Variants in TANC2 observed in about 807,000 individuals in gnomAD.
TANC2 encodes the protein tetratricopeptide repeat, ankyrin repeat and coiled-coil containing 2, also known as protein TANC2.
Under a neutral mutation model 210.5 loss-of-function variants are expected in TANC2, and 26 were observed. The observed-to-expected ratio is 0.12, with a 90% CI of 0.09 to 0.17. The LOEUF is 0.17. TANC2 is among the 10% of genes least tolerant of loss of function. The probability of loss-of-function intolerance (pLI) is 1.00; values close to 1 mark genes in which losing one functional copy is unlikely to be tolerated. For missense variants in TANC2, 2,129 were observed against 2,608.9 expected (o/e 0.82, Z 4.01); for synonymous variants, 931 against 967.1 (o/e 0.96, Z 0.69).
At chr17:63,382,575 TAAC>T (rs1291106465) in intron 15 of TANC2, among the ~76,000 whole-genome samples, 2 of 152,254 alleles carry the variant, frequency 1.3e-5, no homozygotes, top group Non-Finnish European at 2.9e-5. Flanking sequence ...CTACCAGATT[TAAC>T]AAATGTTAAC....
chr17:63,060,341 C>G (rs2035950546), intron 2 of TANC2, among the ~76,000 whole-genome samples: 2 of 152,240 alleles, frequency 1.3e-5, no homozygotes, highest in South Asian at 4.1e-4. Context: ...CTCGTTTGGG[C>G]TGGGCGTGGT....
At chr17:63,289,985 T>A (rs1047322952) in intron 9 of TANC2, among the ~76,000 whole-genome samples, 4 of 152,152 alleles carry the variant, frequency 2.6e-5, no homozygotes, top group Non-Finnish European at 5.9e-5. Context: ...TGGGAGACAG[T>A]TGGGTATTTC....
chr17:63,264,474 A>C (rs1309508318), intron 8 of TANC2, among the ~76,000 whole-genome samples: 1 of 152,160 alleles, frequency 6.6e-6, no homozygotes, highest in East Asian at 1.9e-4. Context: ...TGACCAAGCA[A>C]AATGCCAGTA....
chr17:63,289,643 T>A (rs1047991159), intron 9 of TANC2, among the ~76,000 whole-genome samples: 1 of 152,218 alleles, frequency 6.6e-6, no homozygotes, highest in African/African-American at 2.4e-5. Context: ...TTAATCATAG[T>A]TGTTTTAAAT....
At chr17:63,370,344 A>G (rs1167340056) in intron 14 of TANC2, among the ~76,000 whole-genome samples, 1 of 151,690 alleles carries the variant, frequency 6.6e-6, no homozygotes, top group Non-Finnish European at 1.5e-5. Flanking sequence ...ACTCCCGGCT[A>G]ATTTTTTGTA....
intron 11 of TANC2, among the ~76,000 whole-genome samples, chr17:63,336,165 G>A (rs1418225920): frequency 6.6e-6 from 1 of 152,196 alleles, no homozygotes; most frequent in Non-Finnish European, 1.5e-5. Context: ...GAGTTGGAAG[G>A]GTTTTGCTGA....
At chr17:63,074,426 G>A (rs1355015574) in intron 3 of TANC2, among the ~76,000 whole-genome samples, 1 of 151,888 alleles carries the variant, frequency 6.6e-6, no homozygotes, top group East Asian at 1.9e-4. Context: ...GCTATATTAG[G>A]ATCTTCCTAC....
At chr17:63,417,368 C>CT (rs1192402212) in intron 26 of TANC2, among the ~76,000 whole-genome samples, 1 of 152,100 alleles carries the variant, frequency 6.6e-6, no homozygotes, top group African/African-American at 2.4e-5. Flanking sequence ...TCTCTTTTAG[C>CT]TTAGTATTTA....
intron 9 of TANC2, among the ~76,000 whole-genome samples, chr17:63,283,472 C>CAA (rs200972497): frequency 2.1e-5 from 3 of 142,922 alleles, no homozygotes; most frequent in African/African-American, 2.6e-5. Context: ...TAAATTTCTA[C>CAA]AAAAAAAAAA....
chr17:63,108,204 C>T (rs1420759096), intron 4 of TANC2, among the ~76,000 whole-genome samples: 1 of 151,552 alleles, frequency 6.6e-6, no homozygotes, highest in East Asian at 1.9e-4. Flanking sequence ...ATGAACAGCT[C>T]ATTAAAGGAT....
At position 63,415,514 on chromosome 17, in the gene TANC2, T is replaced by C; in HGVS notation, c.4021-14T>C. The C allele has an allele frequency of 6.2e-7, 1 of 1,612,912 alleles. No homozygotes were observed. The highest frequency in any genetic ancestry group is 8.5e-7 in the Non-Finnish European group (1 of 1,179,456). On this transcript the variant is annotated splice_polypyrimidine_tract_variant and intron_variant, in intron 25 of 27. Coordinates refer to ENST00000689528, the Ensembl canonical transcript of TANC2. ...AGACCAACTGTGTGTTTCGCCATCT[T>C]GTGCTCCCATTAGAAAGGTAAAGTA...
intron 11 of TANC2, chr17:63,338,759 C>T (rs560749366): frequency 1.3e-5 from 2 of 152,340 alleles, no homozygotes; most frequent in East Asian, 3.9e-4. Context: ...TTGCTTCACT[C>T]ACAGGCAATT....
At chr17:63,277,891 G>A (rs1484678327) in intron 9 of TANC2, among the ~76,000 whole-genome samples, 1 of 152,102 alleles carries the variant, frequency 6.6e-6, no homozygotes, top group Non-Finnish European at 1.5e-5. Context: ...GAGGTAACAG[G>A]CCGGGTACAG....
chr17:63,380,002 A>G (rs913044533), intron 15 of TANC2, among the ~76,000 whole-genome samples, 176 bp downstream of exon 15: 1 of 152,160 alleles, frequency 6.6e-6, no homozygotes. Flanking sequence ...TACATTGTAC[A>G]TCTCCCAGTG....
intron 4 of TANC2, among the ~76,000 whole-genome samples, chr17:63,138,126 T>C (rs1328193807): frequency 6.6e-6 from 1 of 152,148 alleles, no homozygotes; most frequent in Non-Finnish European, 1.5e-5. Context: ...AAACTTTACA[T>C]GTGCAATTTG....
intron 11 of TANC2, among the ~76,000 whole-genome samples, chr17:63,333,268 G>T (rs2045919767): frequency 1.3e-5 from 2 of 152,154 alleles, no homozygotes; most frequent in South Asian, 4.1e-4. Flanking sequence ...ATGCCATTAA[G>T]AACATCTATG....
chr17:63,337,610 C>CTT (rs61052447), intron 11 of TANC2, among the ~76,000 whole-genome samples: 1 of 143,742 alleles, frequency 7.0e-6, no homozygotes, highest in African/African-American at 2.6e-5. Flanking sequence ...TCTTTCCAAT[C>CTT]TTTTTTTTTT....
At chr17:63,160,090 A>T (rs982572547) in intron 5 of TANC2, among the ~76,000 whole-genome samples, 2 of 152,242 alleles carry the variant, frequency 1.3e-5, no homozygotes, top group Non-Finnish European at 2.9e-5. Flanking sequence ...TTCTCTTCTT[A>T]TAGGGACACT....
chr17:63,340,028 T>C (rs2046174187), intron 11 of TANC2, 73 bp from the exon 12 acceptor site: 3 of 1,098,404 alleles, frequency 2.7e-6, no homozygotes, highest in Non-Finnish European at 4.1e-6. Flanking sequence ...GTATAATCAC[T>C]CAATAGCTGA....
Sources: allele counts gnomAD v4.1 joint callset (sites outside exome capture counted in the v4.1 genomes callset), GRCh38; gene constraint gnomAD v4.1.1; transcripts MANE v1.5; gene names NCBI Gene and HGNC (gene_info 2026-07-23, HGNC 2026-07-21).